Variants in NAALADL2 observed in about 807,000 individuals in gnomAD.
NAALADL2 encodes N-acetylated alpha-linked acidic dipeptidase like 2.
Under a neutral mutation model 87.2 loss-of-function variants are expected in NAALADL2, and 76 were observed. The ratio of observed to expected loss-of-function variants is 0.87; its 90% CI spans 0.72 to 1.05. The LOEUF is 1.05. Among genes scored for constraint, NAALADL2 ranks in the 50% least tolerant of loss-of-function variants. NAALADL2 has a pLI of 0.00. For missense variants in NAALADL2, 1,089 were observed against 945.8 expected, an observed-to-expected ratio of 1.15 and a Z score of -1.99; for synonymous variants, 354 against 331.0, an observed-to-expected ratio of 1.07 and a Z score of -0.75.
At chr3:175,779,074 CAGTT>C (rs1223524897) in intron 13 of NAALADL2, among the ~76,000 whole-genome samples, 1 of 152,078 alleles carries the variant, frequency 6.6e-6, no homozygotes, top group Non-Finnish European at 1.5e-5. Flanking sequence ...TGGGCTAGGG[CAGTT>C]AGTTGTGGAA....
intron 1 of NAALADL2, among the ~76,000 whole-genome samples, chr3:174,887,745 C>T (rs973629191): frequency 6.6e-6 from 1 of 151,796 alleles, no homozygotes. Flanking sequence ...TGCAGGGAGC[C>T]ATTTCACAAT....
intron 2 of NAALADL2, among the ~76,000 whole-genome samples, chr3:174,699,397 C>CTCTTA (rs1729339328): frequency 7.4e-6 from 1 of 136,030 alleles, no homozygotes; most frequent in Non-Finnish European, 1.5e-5. Flanking sequence ...AAGGCTGAGG[C>CTCTTA]AGGGGAGAAT....
chr3:175,205,100 A>T (rs1209739846), intron 2 of NAALADL2, among the ~76,000 whole-genome samples: 1 of 152,146 alleles, frequency 6.6e-6, no homozygotes, highest in Non-Finnish European at 1.5e-5. Context: ...CTAGAAAAAA[A>T]CACTTCTAAA....
At chr3:175,709,354 A>G (rs1415356370) in intron 11 of NAALADL2, among the ~76,000 whole-genome samples, 1 of 152,140 alleles carries the variant, frequency 6.6e-6, no homozygotes, top group Non-Finnish European at 1.5e-5. Flanking sequence ...ACATATTTAT[A>G]AATGATATTT....
At chr3:175,126,157 G>C (rs1726912573) in intron 2 of NAALADL2, among the ~76,000 whole-genome samples, 1 of 152,002 alleles carries the variant, frequency 6.6e-6, no homozygotes, top group Non-Finnish European at 1.5e-5. Context: ...AATAGTTTCT[G>C]GGGGGTAGGA....
At chr3:174,661,960 A>G (rs988644726) in intron 2 of NAALADL2, among the ~76,000 whole-genome samples, 1 of 152,212 alleles carries the variant, frequency 6.6e-6, no homozygotes, top group African/African-American at 2.4e-5. Context: ...CTGATTTTTC[A>G]TGATGGTATT....
intron 11 of NAALADL2, among the ~76,000 whole-genome samples, chr3:175,629,320 A>G (rs2149721860): frequency 6.7e-6 from 1 of 148,722 alleles, no homozygotes; most frequent in East Asian, 2.0e-4. Context: ...ACACATAAAC[A>G]TTCATGAATG....
chr3:174,472,154 G>C (rs1027800644), intron 1 of NAALADL2, among the ~76,000 whole-genome samples: 3 of 152,106 alleles, frequency 2.0e-5, no homozygotes, highest in African/African-American at 7.2e-5. Context: ...ATTTGTCTAG[G>C]ACTGAGGAGT....
intron 4 of NAALADL2, among the ~76,000 whole-genome samples, chr3:175,259,787 T>A (rs774353437): frequency 9.2e-5 from 14 of 152,228 alleles, no homozygotes; most frequent in Non-Finnish European, 1.9e-4. Flanking sequence ...CTCACACCTG[T>A]AATGCCAGCA....
intron 1 of NAALADL2, chr3:175,059,681 C>A: frequency 3.0e-6 from 1 of 331,668 alleles, no homozygotes; most frequent in Non-Finnish European, 5.7e-6. Context: ...TTCCATTAAC[C>A]TCTTTGCTGC....
chr3:174,447,958 C>A (rs1715180154), intron 1 of NAALADL2, among the ~76,000 whole-genome samples: 1 of 152,108 alleles, frequency 6.6e-6, no homozygotes, highest in African/African-American at 2.4e-5. Flanking sequence ...ACTTAACATT[C>A]ATCAAAATAC....
chr3:175,521,228 T>C (rs1370446508), intron 9 of NAALADL2, among the ~76,000 whole-genome samples: 4 of 152,046 alleles, frequency 2.6e-5, no homozygotes, highest in African/African-American at 9.7e-5. Context: ...ATATTTAAAG[T>C]GAATATGATT....
At position 175,808,395 on chromosome 3, in the gene NAALADL2, A is replaced by T. The variant is rs1754887375; in HGVS notation, c.*5192A>T. 1 of 151,908 alleles carries T rather than the reference A, an allele frequency of 6.6e-6. No homozygotes were observed. The highest frequency in any genetic ancestry group is 1.5e-5 in the Non-Finnish European group (1 of 67,912). The allele number at this position is 151,908 out of a possible 1,614,324, so 9.4% of individuals were successfully genotyped here. ...TTCTGTAACCAAAATGGTAATTTTG[A>T]TGGATTTTTTAAATGCCAAAATCCA... On this transcript the variant is annotated 3_prime_UTR_variant, in exon 14 of 14. Transcript: ENST00000454872.
At chr3:175,350,598 C>T (rs555334578) in intron 5 of NAALADL2, among the ~76,000 whole-genome samples, 14 of 152,198 alleles carry the variant, frequency 9.2e-5, no homozygotes, top group South Asian at 8.3e-4. Flanking sequence ...CCACATTAGG[C>T]GTCTCTTTTT....
chr3:174,636,007 T>C (rs543849829), intron 2 of NAALADL2, among the ~76,000 whole-genome samples: 58 of 152,260 alleles, frequency 3.8e-4, no homozygotes, highest in Non-Finnish European at 7.2e-4. Context: ...ATAATATTCA[T>C]ATCATGACTC....
At position 175,343,673 on chromosome 3, in the gene NAALADL2, TTTTC is replaced by T. The variant is rs1438809344; in HGVS notation, c.1090+19349_1090+19352del. Among the ~76,000 whole-genome samples, 12 of 147,126 alleles carry T rather than the reference TTTTC, an allele frequency of 8.2e-5. 1 individual carries two copies. The highest frequency in any genetic ancestry group is 1.1e-4 in the Non-Finnish European group (7 of 66,614). The stretch of plus-strand genomic sequence containing the variant: ...TGATCATGTTTTTTTTTTTTTTTTT[TTTTC>T]CCTTCCCACTGATCAAACTAGGAAA... On this transcript the variant is annotated intron_variant, in intron 5 of 13. Transcript: ENST00000454872.
intron 1 of NAALADL2, among the ~76,000 whole-genome samples, chr3:175,018,331 C>T (rs1751118450): frequency 6.6e-6 from 1 of 152,004 alleles, no homozygotes; most frequent in South Asian, 2.1e-4. Context: ...GGCAAATTAA[C>T]AGGTGCCAGG....
At chr3:174,890,084 C>T (rs531653985) in intron 1 of NAALADL2, among the ~76,000 whole-genome samples, 15 of 152,208 alleles carry the variant, frequency 9.9e-5, no homozygotes, top group East Asian at 1.9e-4. Flanking sequence ...GAGATAATAT[C>T]GGTACCATCA....
At chr3:175,199,357 C>A (rs1472038812) in intron 2 of NAALADL2, among the ~76,000 whole-genome samples, 1 of 152,066 alleles carries the variant, frequency 6.6e-6, no homozygotes, top group Non-Finnish European at 1.5e-5. Flanking sequence ...TTAGAAGTCA[C>A]ATATAACTCT....
Sources: gnomAD v4.1 joint callset for allele counts (sites outside exome capture counted in the v4.1 genomes callset) on GRCh38, gnomAD v4.1.1 for gene constraint, MANE v1.5 for transcripts, NCBI Gene and HGNC (gene_info 2026-07-23, HGNC 2026-07-21) for gene names.